Variants in CRACDL observed in about 807,000 individuals in gnomAD.
The protein encoded by CRACDL is CRACD-like protein.
In CRACDL, 26 loss-of-function variants were observed where a neutral mutation model predicts 70.6. The observed-to-expected ratio is 0.37, with a 90% CI of 0.27 to 0.51. CRACDL has a LOEUF of 0.51. Among genes scored for constraint, CRACDL ranks in the 20% least tolerant of loss-of-function variants. The probability of loss-of-function intolerance (pLI) is 0.94; values close to 1 mark genes in which losing one functional copy is unlikely to be tolerated. For missense variants in CRACDL, 1,283 were observed against 1,376.9 expected, an observed-to-expected ratio of 0.93 and a Z score of 1.08; for synonymous variants, 618 against 615.2, an observed-to-expected ratio of 1.00 and a Z score of -0.07.
intron 5 of CRACDL, among the ~76,000 whole-genome samples, chr2:98,831,237 C>T (rs996805417): frequency 1.3e-5 from 2 of 152,170 alleles, no homozygotes; most frequent in Non-Finnish European, 2.9e-5. Flanking sequence ...AATTCTCTAG[C>T]CGGCTTCATG....
chr2:98,879,168 G>C (rs1353759008), intron 1 of CRACDL, among the ~76,000 whole-genome samples: 4 of 152,124 alleles, frequency 2.6e-5, no homozygotes, highest in African/African-American at 9.7e-5. Context: ...CATCTTGGTA[G>C]CCCTAATACA....
At chr2:98,872,695 A>C (rs1387136333) in intron 1 of CRACDL, among the ~76,000 whole-genome samples, 2 of 152,240 alleles carry the variant, frequency 1.3e-5, no homozygotes, top group Non-Finnish European at 2.9e-5. Flanking sequence ...CTGCAGCCCG[A>C]GATGCTTGCA....
At chr2:98,918,276 T>C (rs1407534156) in intron 1 of CRACDL, among the ~76,000 whole-genome samples, 1 of 152,158 alleles carries the variant, frequency 6.6e-6, no homozygotes, top group Non-Finnish European at 1.5e-5. Context: ...CTCAGACCTG[T>C]AATCCTAGCA....
chr2:98,867,500 T>A (rs1299019544), intron 1 of CRACDL, among the ~76,000 whole-genome samples: 1 of 152,164 alleles, frequency 6.6e-6, no homozygotes. Flanking sequence ...CATATGAGAT[T>A]TGAAAAACAT....
intron 7 of CRACDL, among the ~76,000 whole-genome samples, chr2:98,811,126 G>C (rs1444300883): frequency 6.6e-6 from 1 of 152,158 alleles, no homozygotes; most frequent in Non-Finnish European, 1.5e-5. Flanking sequence ...GAAACACGAT[G>C]AATCTGGTGG....
chr2:98,916,131 A>G (rs929520216), intron 1 of CRACDL, among the ~76,000 whole-genome samples: 1 of 152,256 alleles, frequency 6.6e-6, no homozygotes, highest in Admixed American at 6.5e-5. Context: ...TGGATTAGAA[A>G]AACTGTACTA....
rs557575646 is a variant in CRACDL at position 98,869,814 on chromosome 2, G to A, written c.-10-23004C>T. The stretch of plus-strand genomic sequence containing the variant: ...TTTTACTTTTCCTTAAAGGCCCATC[G>A]TGTTACCTCAGGTCCTTGATATGCT... On this transcript the variant is annotated intron_variant, in intron 1 of 9. Coordinates refer to ENST00000397899, the MANE Select transcript of CRACDL (RefSeq NM_207362.3). Among the ~76,000 whole-genome samples the A allele has an allele frequency of 7.2e-5, 11 of 152,312 alleles. No individual in the cohort carries two copies. In the East Asian group the frequency reaches 7.7e-4, roughly 11 times the overall value.
chr2:98,869,248 T>C (rs1031143273), intron 1 of CRACDL: 1 of 1,272,204 alleles, frequency 7.9e-7, no homozygotes, highest in Non-Finnish European at 1.0e-6. Context: ...TCAAGAGCCC[T>C]TGTCCCCATC....
intron 1 of CRACDL, among the ~76,000 whole-genome samples, chr2:98,852,157 A>T (rs1254400226): frequency 6.6e-6 from 1 of 152,094 alleles, no homozygotes; most frequent in African/African-American, 2.4e-5. Context: ...GAAGGAAAAA[A>T]CTTCAGAGAG....
At chr2:98,831,439 C>G (rs1237349583) in intron 5 of CRACDL, among the ~76,000 whole-genome samples, 1 of 152,140 alleles carries the variant, frequency 6.6e-6, no homozygotes, top group Non-Finnish European at 1.5e-5. Context: ...ACGAAGCTCC[C>G]CCTTCACTGT....
chr2:98,908,927 C>A (rs1323402541), intron 1 of CRACDL, among the ~76,000 whole-genome samples: 2 of 152,210 alleles, frequency 1.3e-5, no homozygotes, highest in East Asian at 3.8e-4. Flanking sequence ...TAAATTTGCA[C>A]AGCCAGAATA....
intron 1 of CRACDL, among the ~76,000 whole-genome samples, chr2:98,870,632 C>CT (rs1166910294): frequency 6.6e-6 from 1 of 152,160 alleles, no homozygotes; most frequent in Non-Finnish European, 1.5e-5. Context: ...GGCCCCAGGG[C>CT]TGAGGTCTCT....
Position 98,797,530 on chromosome 2 carries a change from A to T in CRACDL, c.2424T>A (p.Ser808Arg), listed in dbSNP as rs1703880016. 1 of 1,613,064 alleles carries T rather than the reference A, an allele frequency of 6.2e-7. No homozygotes were observed. The highest frequency in any genetic ancestry group is 8.5e-7 in the Non-Finnish European group (1 of 1,179,906). Residue 808 changes from serine (S) to arginine (R), a missense_variant, in exon 8 of 10, where the codon AGT becomes AGA. Around this residue, in one of 2 missense-constraint regions of CRACDL, gnomAD observed 921 missense variants for 881.9 expected, o/e 1.04. Transcript: ENST00000397899. ...CAGGCCCTGTTGCTGCAGGCGGCAG[A>T]CTCTTTTCTGTTGGGTAAAGGCACA... ...KRPLRRGAEK[S>R]LPPAATGPGA...
At chr2:98,893,447 C>A (rs183492134) in intron 1 of CRACDL, among the ~76,000 whole-genome samples, 1 of 152,132 alleles carries the variant, frequency 6.6e-6, no homozygotes, top group East Asian at 1.9e-4. Context: ...CCACACCTGG[C>A]TAATTTTTTG....
chr2:98,834,412 A>G (rs1705681154), intron 3 of CRACDL, among the ~76,000 whole-genome samples: 1 of 152,210 alleles, frequency 6.6e-6, no homozygotes, highest in Non-Finnish European at 1.5e-5. Context: ...AGGTCTCTAC[A>G]CGCTGCATGC....
intron 5 of CRACDL, among the ~76,000 whole-genome samples, chr2:98,829,582 A>G (rs1165228078): frequency 6.6e-6 from 1 of 152,100 alleles, no homozygotes; most frequent in African/African-American, 2.4e-5. Flanking sequence ...GCTTCCAGTC[A>G]CCCAATTTTT....
chr2:98,795,371 C>T (rs962124093), intron 9 of CRACDL, among the ~76,000 whole-genome samples: 2 of 151,806 alleles, frequency 1.3e-5, no homozygotes, highest in African/African-American at 2.4e-5. Flanking sequence ...CCATGGCGTC[C>T]GGCCTAAAAA....
chr2:98,803,048 G>A lies in CRACDL; in HGVS notation c.2417-5511C>T, dbSNP rs776471796. Among the ~76,000 whole-genome samples the A allele has an allele frequency of 1.5e-3, 217 of 147,270 alleles. 1 individual carries two copies. The highest frequency in any genetic ancestry group is 7.2e-3 in the Middle Eastern group (2 of 276). The stretch of plus-strand genomic sequence containing the variant: ...GGAGTCTCGCTCTGTTGCCCAGGCT[G>A]GAGTGCAGTGGCGCAATCTAGGCTC... On this transcript the variant is annotated intron_variant, in intron 7 of 9. Transcript: ENST00000397899.
At chr2:98,903,911 C>T (rs1708344558) in intron 1 of CRACDL, among the ~76,000 whole-genome samples, 1 of 152,230 alleles carries the variant, frequency 6.6e-6, no homozygotes, top group Admixed American at 6.5e-5. Context: ...AAGTCCTGCT[C>T]TCCCGGCCCT....
Sources: allele counts gnomAD v4.1 joint callset (sites outside exome capture counted in the v4.1 genomes callset), GRCh38; gene constraint gnomAD v4.1.1; regional missense constraint gnomAD v4.1.1; transcripts MANE v1.5; gene names NCBI Gene and HGNC (gene_info 2026-07-23, HGNC 2026-07-21).